Variants in GYPC observed in about 807,000 individuals in gnomAD.
GYPC encodes glycophorin C (Gerbich blood group).
A neutral mutation model predicts 12.6 loss-of-function variants in GYPC; 14 were observed. The observed-to-expected ratio is 1.11, with a 90% CI of 0.74 to 1.74. The LOEUF is 1.74. Among genes scored for constraint, GYPC ranks in the 40% most tolerant of loss-of-function variants. The pLI is 0.00. For missense variants in GYPC, 225 were observed against 172.1 expected (o/e 1.31, Z -1.72); for synonymous variants, 78 against 62.1 (o/e 1.26, Z -1.20).
At chr2:126,688,720 C>G (rs1168984133) in intron 1 of GYPC, among the ~76,000 whole-genome samples, 1 of 152,130 alleles carries the variant, frequency 6.6e-6, no homozygotes, top group East Asian at 1.9e-4. Context: ...CCACCTGCTT[C>G]CTGCTGTGGA....
intron 1 of GYPC, among the ~76,000 whole-genome samples, chr2:126,684,657 A>G (rs548172217): frequency 2.6e-5 from 4 of 152,294 alleles, no homozygotes; most frequent in African/African-American, 9.6e-5. Context: ...CGTGCTCCTG[A>G]TGGCAGGGAC....
In GYPC at chr2:126,696,441, C is replaced by G; in HGVS notation, c.*299C>G. The G allele has an allele frequency of 2.4e-6, 1 of 416,678 alleles. No individual in the cohort carries two copies. The highest frequency in any genetic ancestry group is 3.6e-5 in the Admixed American group (1 of 27,924). 25.8% of individuals were successfully genotyped at this position (416,678 alleles called of 1,614,324 possible). ...GGGCCCCCTGGGCAGTGCAGGACAA[C>G]ATCAGCTCACTGGCAGGAAAGTCCT... On this transcript the variant is annotated 3_prime_UTR_variant, in exon 4 of 4. Coordinates refer to ENST00000259254, the MANE Select transcript of GYPC (RefSeq NM_002101.5).
chr2:126,666,365 G>A (rs971036756), intron 1 of GYPC, among the ~76,000 whole-genome samples: 4 of 152,214 alleles, frequency 2.6e-5, no homozygotes, highest in Admixed American at 6.5e-5. Context: ...GCCAGCCGGA[G>A]GATCATTGTC....
chr2:126,688,503 CACTTGA>C (rs1683355377), intron 1 of GYPC, among the ~76,000 whole-genome samples: 1 of 152,182 alleles, frequency 6.6e-6, no homozygotes, highest in Non-Finnish European at 1.5e-5. Flanking sequence ...GTCTAGCACC[CACTTGA>C]ACTTGCTATG....
intron 2 of GYPC, 64 bp from the exon 3 acceptor site, chr2:126,693,800 C>T: frequency 9.0e-7 from 1 of 1,113,932 alleles, no homozygotes; most frequent in South Asian, 1.2e-5. Flanking sequence ...CAGCTTGGGC[C>T]AAGGTGCTGC....
At chr2:126,693,513 C>G (rs183408464) in intron 2 of GYPC, among the ~76,000 whole-genome samples, 1 of 152,316 alleles carries the variant, frequency 6.6e-6, no homozygotes, top group East Asian at 1.9e-4. Flanking sequence ...AACATTCTTT[C>G]TTAAACACAA....
At chr2:126,673,488 G>A (rs905431345) in intron 1 of GYPC, among the ~76,000 whole-genome samples, 1 of 152,136 alleles carries the variant, frequency 6.6e-6, no homozygotes, top group African/African-American at 2.4e-5. Flanking sequence ...TTATGCCCTT[G>A]TTTAAAAGAC....
At chr2:126,687,207 A>G (rs1333365663) in intron 1 of GYPC, among the ~76,000 whole-genome samples, 1 of 152,154 alleles carries the variant, frequency 6.6e-6, no homozygotes, top group Non-Finnish European at 1.5e-5. Flanking sequence ...CTCTGCCTGG[A>G]ATGCTTATAG....
At chr2:126,663,958 CTCTCTCTCTCTCTCTCTCT>C (rs1558879072) in intron 1 of GYPC, among the ~76,000 whole-genome samples, 4 of 11,896 alleles carry the variant, frequency 3.4e-4, no homozygotes, top group Non-Finnish European at 3.0e-4. Flanking sequence ...TGGTCTCTCT[CTCTCTCTCTCTCTCTCTCT>C]CTCTCTCTCT....
chr2:126,679,325 A>G (rs961965147), intron 1 of GYPC, among the ~76,000 whole-genome samples: 1 of 152,228 alleles, frequency 6.6e-6, no homozygotes, highest in African/African-American at 2.4e-5. Context: ...GGTCTGGTGC[A>G]CACCAGGAAC....
At chr2:126,658,384 G>A (rs964332019) in intron 1 of GYPC, 6 of 152,246 alleles carry the variant, frequency 3.9e-5, no homozygotes, top group African/African-American at 1.4e-4. Context: ...GGCATTCTGC[G>A]CTTGTGGTGG....
intron 1 of GYPC, chr2:126,675,637 C>T (rs1251135219): frequency 1.0e-6 from 1 of 961,358 alleles, no homozygotes. Context: ...TCTAGAGAAT[C>T]CCCTTCTCTA....
chr2:126,686,494 G>A lies in GYPC; in HGVS notation c.50-3761G>A, dbSNP rs914535386. On this transcript the variant is annotated intron_variant, in intron 1 of 3. Transcript: ENST00000259254. ...AAGCCACTCCCAACTCCACAAAGAT[G>A]AGCATAGTGAAGGCTGCAGTTTAGT... is the stretch of plus-strand genomic sequence containing the variant. The A allele has an allele frequency of 7.1e-6, 7 of 985,406 alleles. No homozygotes were observed. The East Asian group carries it at 4.5e-4, about 64-fold the overall frequency. The allele number at this position is 985,406 out of a possible 1,614,324, so 61.0% of individuals were successfully genotyped here.
intron 1 of GYPC, chr2:126,686,619 G>T: frequency 1.0e-6 from 1 of 982,550 alleles, no homozygotes; most frequent in Non-Finnish European, 1.2e-6. Flanking sequence ...AGCAAGACAA[G>T]CCTGAACGTG....
intron 1 of GYPC, among the ~76,000 whole-genome samples, chr2:126,674,267 G>C (rs1369058391): frequency 1.3e-5 from 2 of 152,190 alleles, no homozygotes; most frequent in East Asian, 3.8e-4. Flanking sequence ...TGTGCTGGGT[G>C]GCCTGGTGTT....
Position 126,680,754 on chromosome 2 carries a change from G to T in GYPC, c.50-9501G>T, listed in dbSNP as rs934611935. ...ATGTACTGTCTCTTTTCCACAACAT[G>T]CATGTCTTTCTTGAAAATGAAAATG... On this transcript the variant is annotated intron_variant, in intron 1 of 3. Transcript: ENST00000259254. Among the ~76,000 whole-genome samples, 10 of 152,322 alleles carry T rather than the reference G, an allele frequency of 6.6e-5. No homozygotes were observed. The East Asian group carries it at 1.4e-3, about 21-fold the overall frequency.
chr2:126,677,504 A>AT (rs1683033229), intron 1 of GYPC, among the ~76,000 whole-genome samples: 3 of 90,964 alleles, frequency 3.3e-5, no homozygotes, highest in African/African-American at 6.3e-5. Context: ...TGTGTGTATG[A>AT]GAGTGTGTGT....
chr2:126,661,141 C>T (rs1225969818), intron 1 of GYPC, among the ~76,000 whole-genome samples: 3 of 152,200 alleles, frequency 2.0e-5, no homozygotes, highest in Non-Finnish European at 4.4e-5. Flanking sequence ...ACACTGGGTT[C>T]CTTCTTAGGC....
chr2:126,657,016 C>G (rs1164622843), intron 1 of GYPC, among the ~76,000 whole-genome samples: 1 of 152,206 alleles, frequency 6.6e-6, no homozygotes, highest in African/African-American at 2.4e-5. Context: ...TACCAAAAAA[C>G]GTAATGTACA....
Sources: allele counts gnomAD v4.1 joint callset (sites outside exome capture counted in the v4.1 genomes callset), GRCh38; gene constraint gnomAD v4.1.1; transcripts MANE v1.5; gene names NCBI Gene and HGNC (gene_info 2026-07-23, HGNC 2026-07-21).